Variants in MAN2A1 observed in about 807,000 individuals in gnomAD.
MAN2A1 encodes the protein mannosidase alpha class 2A member 1.
MAN2A1 carries 76 observed loss-of-function variants against 142.6 expected under a neutral mutation model. That is an observed-to-expected ratio of 0.53 (90% CI 0.44 to 0.65). The LOEUF (loss-of-function observed/expected upper bound fraction) is 0.65, where lower values mean the gene tolerates loss of function less well. MAN2A1 is among the 30% of genes least tolerant of loss of function. The pLI is 0.00. For synonymous variants in MAN2A1, 559 were observed against 473.2 expected, an observed-to-expected ratio of 1.18 and a Z score of -2.35; for missense variants, 1,311 against 1,365.1, an observed-to-expected ratio of 0.96 and a Z score of 0.62.
Position 109,716,168 on chromosome 5 carries a change from G to A in MAN2A1, c.439G>A (p.Val147Ile). ...TTCTTTTGACAATCCAGATGGTGGA[G>A]TTTGGAAGCAAGGATTTGACATTAC... ...LISFDNPDGG[V>I]WKQGFDITYE... is the part of the protein sequence containing the mutation. The change falls in exon 3 of 22, where the codon GTT (valine) becomes ATT (isoleucine). Residue 147 changes from valine to isoleucine, a missense_variant. Transcript: ENST00000261483. 1 of 1,612,378 alleles carries A rather than the reference G, an allele frequency of 6.2e-7. No individual in the cohort carries two copies. The highest frequency in any genetic ancestry group is 1.1e-5 in the South Asian group (1 of 90,896).
chr5:109,716,343 G>A, intron 3 of MAN2A1, 79 bp downstream of exon 3: 1 of 1,171,508 alleles, frequency 8.5e-7, no homozygotes, highest in South Asian at 1.7e-5. Flanking sequence ...ATCTGGTAGA[G>A]GCCACTTCTC....
At chr5:109,781,139 T>C (rs1301917866) in intron 8 of MAN2A1, among the ~76,000 whole-genome samples, 2 of 152,180 alleles carry the variant, frequency 1.3e-5, no homozygotes, top group African/African-American at 4.8e-5. Context: ...TTCACTGATT[T>C]GTAGATCTAA....
chr5:109,830,037 T>G (rs1580296366), intron 16 of MAN2A1, among the ~76,000 whole-genome samples: 1 of 152,314 alleles, frequency 6.6e-6, no homozygotes, highest in South Asian at 2.1e-4. Flanking sequence ...TTGTTTAAAT[T>G]TTAGCATAAT....
intron 17 of MAN2A1, among the ~76,000 whole-genome samples, chr5:109,842,806 G>GTTTTTTTTTTTTTTTTTTTTTTTT (rs768238978): frequency 4.3e-5 from 5 of 116,214 alleles, no homozygotes; most frequent in African/African-American, 9.8e-5. Flanking sequence ...TACTTATTGG[G>GTTTTTTTTTTTTTTTTTTTTTTTT]TTTTTTTTTT....
chr5:109,816,453 A>G (rs756066401), intron 12 of MAN2A1, among the ~76,000 whole-genome samples: 1 of 151,772 alleles, frequency 6.6e-6, no homozygotes, highest in Non-Finnish European at 1.5e-5. Flanking sequence ...TTTTTTCACC[A>G]TTACTTACTA....
chr5:109,705,539 G>A (rs1171013433), intron 1 of MAN2A1, among the ~76,000 whole-genome samples: 1 of 151,988 alleles, frequency 6.6e-6, no homozygotes, highest in African/African-American at 2.4e-5. Context: ...TGGAGATTTG[G>A]GCAAGAATTT....
chr5:109,788,590 A>G (rs753748359), intron 10 of MAN2A1, among the ~76,000 whole-genome samples: 3 of 151,884 alleles, frequency 2.0e-5, no homozygotes, highest in Non-Finnish European at 2.9e-5. Context: ...CTAAAGTAGC[A>G]AATCATTGTT....
At chr5:109,749,355 G>C (rs1003165215) in intron 4 of MAN2A1, among the ~76,000 whole-genome samples, 3 of 152,080 alleles carry the variant, frequency 2.0e-5, no homozygotes, top group Non-Finnish European at 4.4e-5. Flanking sequence ...GTAAAATGCG[G>C]AATGACAGAT....
chr5:109,851,550 C>G (rs1755482119), intron 19 of MAN2A1, among the ~76,000 whole-genome samples: 1 of 152,154 alleles, frequency 6.6e-6, no homozygotes, highest in Non-Finnish European at 1.5e-5. Flanking sequence ...GATAATGCAG[C>G]AAGAAGGCCC....
At chr5:109,800,079 C>G (rs1275839584) in intron 12 of MAN2A1, among the ~76,000 whole-genome samples, 1 of 116,896 alleles carries the variant, frequency 8.6e-6, no homozygotes, top group Non-Finnish European at 1.7e-5. Flanking sequence ...CAGAGTGAGA[C>G]TGTTGTCTCA....
At chr5:109,736,373 C>G (rs1254671703) in intron 4 of MAN2A1, among the ~76,000 whole-genome samples, 1 of 151,984 alleles carries the variant, frequency 6.6e-6, no homozygotes, top group Non-Finnish European at 1.5e-5. Context: ...AATTTTTTGT[C>G]AAGTGCAGTG....
At chr5:109,719,633 A>G (rs189438453) in intron 3 of MAN2A1, among the ~76,000 whole-genome samples, 1 of 152,268 alleles carries the variant, frequency 6.6e-6, no homozygotes, top group East Asian at 1.9e-4. Context: ...GCTTTAGCAT[A>G]GTAGTTTGTT....
Position 109,690,507 on chromosome 5 carries a change from C to G in MAN2A1, c.90C>G (p.His30Gln). ...FSLYLMLDRG[H>Q]LDYPRNPRRE... ...TCTACCTGATGCTGGACCGGGGTCACTTAGACTACCCCAGGAACCCGCGCC... is the reference window on the plus strand; with the variant it reads ...TCTACCTGATGCTGGACCGGGGTCAGTTAGACTACCCCAGGAACCCGCGCC... Residue 30 changes from histidine to glutamine, a missense_variant, in exon 1 of 22, where the codon CAC becomes CAG. His to Gln is a conservative substitution (Grantham distance 24). Coordinates refer to ENST00000261483, the MANE Select transcript of MAN2A1 (RefSeq NM_002372.4). The G allele has an allele frequency of 6.2e-7, 1 of 1,613,454 alleles. No homozygotes were observed. The highest frequency in any genetic ancestry group is 8.5e-7 in the Non-Finnish European group (1 of 1,179,690).
At chr5:109,706,304 C>A (rs1345933301) in intron 1 of MAN2A1, among the ~76,000 whole-genome samples, 1 of 152,150 alleles carries the variant, frequency 6.6e-6, no homozygotes, top group African/African-American at 2.4e-5. Flanking sequence ...ATGACACATA[C>A]TATCTGGAGG....
chr5:109,755,042 C>T (rs916087554), intron 4 of MAN2A1, among the ~76,000 whole-genome samples: 24 of 152,096 alleles, frequency 1.6e-4, no homozygotes, highest in East Asian at 1.5e-3. Flanking sequence ...TGGCTTTTGA[C>T]ATTAAGAATC....
At position 109,745,112 on chromosome 5, in the gene MAN2A1, C is replaced by A. The variant is rs539894455; in HGVS notation, c.708-10217C>A. 4.6e-5 allele frequency among the ~76,000 whole-genome samples: 7 copies of A among 151,708 alleles called. No homozygotes were observed. In the East Asian group the frequency reaches 1.2e-3, roughly 25 times the overall value. ...GTTTTTTGGGGGCAGGGTGAGTGGG[C>A]GAGCATGGATTGGAACGGGGCATGA... On this transcript the variant is annotated intron_variant, in intron 4 of 21. Coordinates refer to ENST00000261483, the MANE Select transcript of MAN2A1 (RefSeq NM_002372.4).
rs59787223 is a variant in MAN2A1 at position 109,819,144 on chromosome 5, A to G, written c.2110-525A>G. Among the ~76,000 whole-genome samples, 766 of 152,336 alleles carry G rather than the reference A, an allele frequency of 5.0e-3. 7 individuals carry two copies. Among genetic ancestry groups the G allele is most frequent in the African/African-American group, 0.017 (722 of 41,580 alleles). ...TAGTATATAATAAATTACATAAGCT[A>G]TTTATATTTAGTATAAAATATGATT... On this transcript the variant is annotated intron_variant, in intron 13 of 21. Transcript: ENST00000261483.
In MAN2A1 at chr5:109,767,627, C is replaced by T; in HGVS notation, c.928C>T (p.Leu310Phe). The change falls in exon 6 of 22, where the codon CTT (leucine) becomes TTT (phenylalanine). Residue 310 changes from leucine to phenylalanine, a missense_variant. By Grantham distance (22) the Leu-to-Phe change is conservative. Around this residue, in one of 3 missense-constraint regions of MAN2A1, gnomAD observed 409 missense variants for 412.7 expected, o/e 0.99. Coordinates refer to ENST00000261483, the MANE Select transcript of MAN2A1 (RefSeq NM_002372.4). ...LLNRAGLSHM[L>F]IQRVHYAVKK... ...AAACCGTGCTGGACTTTCTCACATG[C>T]TTATCCAGAGAGTTCATTATGCAGT... 1 of 1,613,648 alleles carries T rather than the reference C, an allele frequency of 6.2e-7. No homozygotes were observed. The highest frequency in any genetic ancestry group is 8.5e-7 in the Non-Finnish European group (1 of 1,179,630).
At chr5:109,822,673 GA>G (rs1394256860) in intron 15 of MAN2A1, among the ~76,000 whole-genome samples, 4 of 151,004 alleles carry the variant, frequency 2.6e-5, no homozygotes, top group Non-Finnish European at 4.4e-5. Context: ...ACACAATTCT[GA>G]AAAAAAAATT....
Sources: gnomAD v4.1 joint callset for allele counts (sites outside exome capture counted in the v4.1 genomes callset) on GRCh38, gnomAD v4.1.1 for gene constraint, gnomAD v4.1.1 regional missense constraint, MANE v1.5 for transcripts, NCBI Gene and HGNC (gene_info 2026-07-23, HGNC 2026-07-21) for gene names.